CCDC7: variants seen among roughly 807,000 people sequenced by gnomAD.
CCDC7 encodes coiled-coil domain containing 7, also known as coiled-coil domain-containing protein 7.
A neutral mutation model predicts 196.9 loss-of-function variants in CCDC7; 183 were observed. The observed-to-expected ratio is 0.93, with a 90% confidence interval of 0.82 to 1.05. The LOEUF (loss-of-function observed/expected upper bound fraction) is 1.05. Among genes scored for constraint, CCDC7 ranks in the 50% least tolerant of loss-of-function variants. CCDC7 has a pLI of 0.00. For missense variants in CCDC7, 1,540 were observed against 1,482.2 expected (o/e 1.04, Z -0.64); for synonymous variants, 525 against 484.6 (o/e 1.08, Z -1.10).
At chr10:32,564,179 A>G (rs1476696054) in intron 13 of CCDC7, among the ~76,000 whole-genome samples, 2 of 152,208 alleles carry the variant, frequency 1.3e-5, no homozygotes, top group Admixed American at 1.3e-4. Flanking sequence ...GTGGAGAAAT[A>G]GGAACACTTT....
intron 9 of CCDC7, among the ~76,000 whole-genome samples, chr10:32,510,432 AT>A (rs1369299834): frequency 6.6e-6 from 1 of 152,116 alleles, no homozygotes; most frequent in East Asian, 1.9e-4. Context: ...TGTTTTGTTA[AT>A]TTTTCTTAAT....
At chr10:32,807,480 G>T (rs574607404) in intron 30 of CCDC7, among the ~76,000 whole-genome samples, 7 of 152,054 alleles carry the variant, frequency 4.6e-5, no homozygotes, top group Admixed American at 2.6e-4. Context: ...AAACAAATTT[G>T]GGAATTGATA....
At chr10:32,595,200 G>T (rs141740311) in intron 18 of CCDC7, among the ~76,000 whole-genome samples, 5 of 151,932 alleles carry the variant, frequency 3.3e-5, no homozygotes, top group Admixed American at 6.6e-5. Context: ...GGTTGGTAAG[G>T]TATTAATTAT....
At chr10:32,759,853 A>G (rs2077138975) in intron 28 of CCDC7, among the ~76,000 whole-genome samples, 1 of 152,164 alleles carries the variant, frequency 6.6e-6, no homozygotes, top group South Asian at 2.1e-4. Flanking sequence ...CTTCTGACAA[A>G]GGGCTAATAT....
At chr10:32,780,081 C>CA (rs1565482908) in intron 29 of CCDC7, among the ~76,000 whole-genome samples, 1 of 151,994 alleles carries the variant, frequency 6.6e-6, no homozygotes, top group African/African-American at 2.4e-5. Flanking sequence ...TACAAAAATA[C>CA]AAAAAATTAG....
At chr10:32,678,667 A>T (rs977673401) in intron 21 of CCDC7, among the ~76,000 whole-genome samples, 1 of 152,276 alleles carries the variant, frequency 6.6e-6, no homozygotes, top group Admixed American at 6.5e-5. Context: ...CTCTCAGGTT[A>T]TACCATAACA....
intron 11 of CCDC7, among the ~76,000 whole-genome samples, chr10:32,536,556 T>C (rs1432381431): frequency 6.6e-6 from 1 of 152,182 alleles, no homozygotes; most frequent in Non-Finnish European, 1.5e-5. Context: ...GCAGGTTTGT[T>C]ATATAGGTAA....
chr10:32,688,173 A>T (rs527794234), intron 22 of CCDC7, among the ~76,000 whole-genome samples: 1 of 152,258 alleles, frequency 6.6e-6, no homozygotes, highest in Admixed American at 6.5e-5. Flanking sequence ...CCACTGTCGC[A>T]CACTATCTTA....
intron 8 of CCDC7, among the ~76,000 whole-genome samples, chr10:32,484,756 T>C (rs1038140348): frequency 6.6e-6 from 1 of 152,130 alleles, no homozygotes; most frequent in Non-Finnish European, 1.5e-5. Context: ...TTGAGATAAT[T>C]GTGTGGTTTT....
intron 11 of CCDC7, among the ~76,000 whole-genome samples, chr10:32,537,512 T>C (rs1255662844): frequency 6.6e-6 from 1 of 152,184 alleles, no homozygotes; most frequent in East Asian, 1.9e-4. Context: ...ATCTCATTTG[T>C]TAATTTTTGT....
At chr10:32,796,149 C>T (rs150173255) in intron 29 of CCDC7, among the ~76,000 whole-genome samples, 88 of 151,948 alleles carry the variant, frequency 5.8e-4, no homozygotes, top group African/African-American at 2.0e-3. Context: ...AGGGACAAGT[C>T]GCTGTCTGCT....
At chr10:32,555,767 C>T (rs1297308511) in intron 13 of CCDC7, among the ~76,000 whole-genome samples, 2 of 152,154 alleles carry the variant, frequency 1.3e-5, no homozygotes, top group Admixed American at 6.5e-5. Context: ...TCCTAAATAA[C>T]AAATTATTCC....
chr10:32,624,856 G>A (rs779232284), intron 18 of CCDC7, among the ~76,000 whole-genome samples: 2 of 151,598 alleles, frequency 1.3e-5, no homozygotes, highest in Non-Finnish European at 2.9e-5. Context: ...GATTATTTGG[G>A]TTTTAGTGTT....
At chr10:32,843,648 T>C (rs1276340926) in intron 33 of CCDC7, among the ~76,000 whole-genome samples, 1 of 152,060 alleles carries the variant, frequency 6.6e-6, no homozygotes, top group Admixed American at 6.6e-5. Context: ...ATAGATTCTC[T>C]TCCTAAATGC....
At chr10:32,472,020 T>C (rs2038058391) in intron 6 of CCDC7, among the ~76,000 whole-genome samples, 1 of 152,184 alleles carries the variant, frequency 6.6e-6, no homozygotes. Flanking sequence ...TATACCCCAA[T>C]TTTAATGAGA....
At chr10:32,841,777 G>C (rs1390211218) in intron 33 of CCDC7, among the ~76,000 whole-genome samples, 1 of 152,042 alleles carries the variant, frequency 6.6e-6, no homozygotes, top group African/African-American at 2.4e-5. Flanking sequence ...CAATGGAACA[G>C]AATAAAGAAC....
chr10:32,782,695 A>G (rs10827127), intron 29 of CCDC7, among the ~76,000 whole-genome samples: 1 of 152,142 alleles, frequency 6.6e-6, no homozygotes, highest in South Asian at 2.1e-4. Context: ...TATCCAAAAC[A>G]ATTTTGAAAA....
chr10:32,496,322 A>G (rs2042910534), intron 9 of CCDC7, among the ~76,000 whole-genome samples: 1 of 152,220 alleles, frequency 6.6e-6, no homozygotes, highest in Admixed American at 6.5e-5. Flanking sequence ...CAATCATGTC[A>G]TCTGCAAAGA....
intron 32 of CCDC7, among the ~76,000 whole-genome samples, chr10:32,833,711 T>C (rs918676904): frequency 2.0e-5 from 3 of 152,144 alleles, no homozygotes; most frequent in Admixed American, 6.6e-5. Context: ...TAATAACTTA[T>C]TCTGTCAATC....
Sources: gnomAD v4.1 joint callset for allele counts (sites outside exome capture counted in the v4.1 genomes callset) on GRCh38, gnomAD v4.1.1 for gene constraint, MANE v1.5 for transcripts, NCBI Gene and HGNC (gene_info 2026-07-23, HGNC 2026-07-21) for gene names.